Variants in NRCAM observed in about 807,000 individuals in gnomAD.
NRCAM encodes neuronal cell adhesion molecule.
A neutral mutation model predicts 156.5 loss-of-function variants in NRCAM; 83 were observed. The observed-to-expected ratio is 0.53, with a 90% CI of 0.44 to 0.64. NRCAM has a LOEUF of 0.64. NRCAM is among the 30% of genes least tolerant of loss of function. The pLI, the probability that NRCAM is intolerant of heterozygous loss-of-function variation, is 0.00. For missense variants in NRCAM, 1,417 were observed against 1,597.3 expected (o/e 0.89, Z 1.92); for synonymous variants, 538 against 563.9 (o/e 0.95, Z 0.65).
At chr7:108,170,883 C>A (rs2058081603) in intron 28 of NRCAM, among the ~76,000 whole-genome samples, 1 of 151,970 alleles carries the variant, frequency 6.6e-6, no homozygotes, top group Admixed American at 6.6e-5. Context: ...AGATGTTGGT[C>A]AAAGGGTACA....
At chr7:108,318,423 G>A (rs774777641) in intron 2 of NRCAM, among the ~76,000 whole-genome samples, 1 of 152,226 alleles carries the variant, frequency 6.6e-6, no homozygotes, top group South Asian at 2.1e-4. Context: ...TCAACATGGT[G>A]AAATAATGTC....
At chr7:108,222,767 C>T (rs900811315) in intron 11 of NRCAM, among the ~76,000 whole-genome samples, 17 of 152,158 alleles carry the variant, frequency 1.1e-4, no homozygotes, top group African/African-American at 1.2e-4. Context: ...GCAGGGATCA[C>T]ATGTGAGGGC....
intron 3 of NRCAM, among the ~76,000 whole-genome samples, chr7:108,294,569 C>T (rs62469209): frequency 7.9e-5 from 12 of 152,106 alleles, no homozygotes; most frequent in Non-Finnish European, 1.5e-4. Flanking sequence ...GATGATAGAA[C>T]GAATGCATTT....
At chr7:108,225,356 A>G (rs575253837) in intron 10 of NRCAM, among the ~76,000 whole-genome samples, 1 of 152,338 alleles carries the variant, frequency 6.6e-6, no homozygotes, top group African/African-American at 2.4e-5. Flanking sequence ...CATGGAAAAC[A>G]TAATTCTGAA....
chr7:108,429,233 C>A (rs902983375), intron 1 of NRCAM, among the ~76,000 whole-genome samples: 3 of 151,962 alleles, frequency 2.0e-5, no homozygotes, highest in Non-Finnish European at 4.4e-5. Flanking sequence ...ACTCTATCAC[C>A]CAGGCTGGAG....
intron 3 of NRCAM, among the ~76,000 whole-genome samples, chr7:108,256,693 T>C (rs2096680068): frequency 2.0e-5 from 3 of 152,186 alleles, no homozygotes; most frequent in African/African-American, 7.2e-5. Context: ...AAAGACCATC[T>C]ATGATTCTAC....
Position 108,300,160 on chromosome 7 carries a change from C to CTTTTTTTTTTT in NRCAM, c.-107+12494_-107+12504dup, listed in dbSNP as rs10665036. On this transcript the variant is annotated intron_variant, in intron 3 of 32. Coordinates refer to ENST00000379028, the MANE Select transcript of NRCAM (RefSeq NM_001037132.4). ...TAATCCTTCCCCAAATTTCTGTTGA[C>CTTTTTTTTTTT]TTTTTTTTTTTTTTTTTTTTTTTTT... is the stretch of plus-strand genomic sequence containing the variant. 7.7e-4 allele frequency among the ~76,000 whole-genome samples: 51 copies of CTTTTTTTTTTT among 65,870 alleles called. 2 individuals carry two copies. Among genetic ancestry groups the CTTTTTTTTTTT allele is most frequent in the African/African-American group, 2.9e-3 (51 of 17,666 alleles). The allele number at this position is 65,870 out of a possible 152,430, so 43.2% of individuals were successfully genotyped here.
At chr7:108,424,032 C>T (rs1202813763) in intron 1 of NRCAM, among the ~76,000 whole-genome samples, 5 of 152,214 alleles carry the variant, frequency 3.3e-5, no homozygotes, top group Non-Finnish European at 7.3e-5. Context: ...AGCACATATT[C>T]CAAATGTGCC....
intron 2 of NRCAM, among the ~76,000 whole-genome samples, chr7:108,388,270 A>G (rs1052562404): frequency 2.0e-5 from 3 of 152,144 alleles, no homozygotes; most frequent in Admixed American, 1.3e-4. Context: ...GTGAGATGGT[A>G]TCTCATTGTG....
chr7:108,308,499 A>G (rs1190257358), intron 3 of NRCAM, among the ~76,000 whole-genome samples: 2 of 152,298 alleles, frequency 1.3e-5, no homozygotes, highest in East Asian at 3.9e-4. Flanking sequence ...TTTTATTTCC[A>G]GTTTCAAACC....
chr7:108,438,079 A>C (rs940747432), intron 1 of NRCAM, among the ~76,000 whole-genome samples: 1 of 151,880 alleles, frequency 6.6e-6, no homozygotes, highest in Non-Finnish European at 1.5e-5. Context: ...AAATATTCCT[A>C]AAAGAAAAAT....
At chr7:108,297,392 A>G (rs1396724725) in intron 3 of NRCAM, among the ~76,000 whole-genome samples, 1 of 152,228 alleles carries the variant, frequency 6.6e-6, no homozygotes, top group Non-Finnish European at 1.5e-5. Context: ...TGAGTTCCAA[A>G]AAAATGCCAT....
At chr7:108,405,283 T>C (rs1016544054) in intron 1 of NRCAM, among the ~76,000 whole-genome samples, 12 of 152,358 alleles carry the variant, frequency 7.9e-5, no homozygotes, top group Admixed American at 7.8e-4. Flanking sequence ...TCGTACAAAC[T>C]CACTGGCTAC....
chr7:108,392,530 G>A (rs889891499), intron 2 of NRCAM, among the ~76,000 whole-genome samples: 1 of 152,146 alleles, frequency 6.6e-6, no homozygotes, highest in Non-Finnish European at 1.5e-5. Context: ...TCCTCCTTTA[G>A]CTCAGAGAAG....
chr7:108,189,452 A>T (rs2069639850), intron 20 of NRCAM, among the ~76,000 whole-genome samples, 193 bp downstream of exon 20: 2 of 152,222 alleles, frequency 1.3e-5, no homozygotes, highest in African/African-American at 4.8e-5. Flanking sequence ...GGGGTGTCCT[A>T]TTCTAGAAGG....
chr7:108,262,359 A>G (rs1416579737), intron 3 of NRCAM, among the ~76,000 whole-genome samples: 1 of 152,012 alleles, frequency 6.6e-6, no homozygotes, highest in Non-Finnish European at 1.5e-5. Flanking sequence ...ATTTTTTCCA[A>G]GGCTGAAATA....
chr7:108,314,225 A>G (rs2098846743), intron 2 of NRCAM, among the ~76,000 whole-genome samples: 1 of 152,204 alleles, frequency 6.6e-6, no homozygotes, highest in Non-Finnish European at 1.5e-5. Flanking sequence ...GACTGTATTA[A>G]TTGTATTACC....
intron 3 of NRCAM, among the ~76,000 whole-genome samples, chr7:108,299,142 A>AAG (rs1563164873): frequency 1.3e-5 from 1 of 78,606 alleles, no homozygotes; most frequent in Admixed American, 1.3e-4. Context: ...AAGAAAGAAA[A>AAG]GAAAAGTAAA....
intron 13 of NRCAM, among the ~76,000 whole-genome samples, chr7:108,199,401 T>C (rs754962665): frequency 6.6e-6 from 1 of 152,220 alleles, no homozygotes. Context: ...ACCACAAATG[T>C]AGTGGCTTAG....
Sources: gnomAD v4.1 joint callset for allele counts (sites outside exome capture counted in the v4.1 genomes callset) on GRCh38, gnomAD v4.1.1 for gene constraint, MANE v1.5 for transcripts, NCBI Gene and HGNC (gene_info 2026-07-23, HGNC 2026-07-21) for gene names.